Variants in PRLR observed in about 807,000 individuals in gnomAD.
PRLR encodes the protein prolactin receptor.
A neutral mutation model predicts 40.2 loss-of-function variants in PRLR; 13 were observed. The observed-to-expected ratio is 0.32, with a 90% CI of 0.21 to 0.51. The LOEUF is 0.51. PRLR is among the 20% of genes least tolerant of loss of function. The probability of loss-of-function intolerance (pLI) is 0.97; values close to 1 mark genes in which losing one functional copy is unlikely to be tolerated. For synonymous variants in PRLR, 269 were observed against 278.7 expected (o/e 0.97, Z 0.35); for missense variants, 656 against 747.3 (o/e 0.88, Z 1.42).
intron 1 of PRLR, among the ~76,000 whole-genome samples, chr5:35,216,576 G>GT (rs1776293866): frequency 6.6e-6 from 1 of 152,140 alleles, no homozygotes; most frequent in Non-Finnish European, 1.5e-5. Flanking sequence ...ACATACAAGT[G>GT]GTCATTAGTG....
chr5:35,225,434 C>A (rs1776523815), intron 1 of PRLR, among the ~76,000 whole-genome samples: 1 of 152,074 alleles, frequency 6.6e-6, no homozygotes. Flanking sequence ...GACACAAGAA[C>A]AGAGGAAGAA....
At chr5:35,215,103 T>C (rs999291788) in intron 1 of PRLR, among the ~76,000 whole-genome samples, 2 of 152,174 alleles carry the variant, frequency 1.3e-5, no homozygotes, top group Non-Finnish European at 2.9e-5. Flanking sequence ...TGCCATCTTC[T>C]AGGATTGCTG....
rs1381228431 is a variant in PRLR at position 35,185,592 on chromosome 5, G to A, written c.-106+44676C>T. Among the ~76,000 whole-genome samples the A allele has an allele frequency of 2.0e-5, 3 of 152,126 alleles. No homozygotes were observed. The East Asian group carries it at 5.8e-4, about 29-fold the overall frequency. ...TGGCAACGTACTTCTAAAAAACACA[G>A]GAGCCTTACAGCAAGACCTAGCTCT... On this transcript the variant is annotated intron_variant, in intron 1 of 9. Transcript: ENST00000618457.
intron 2 of PRLR, among the ~76,000 whole-genome samples, chr5:35,098,148 T>C (rs532327444): frequency 2.6e-4 from 40 of 152,306 alleles, no homozygotes; most frequent in African/African-American, 8.9e-4. Flanking sequence ...GACTTGGCCA[T>C]GTGAAAAGCT....
chr5:35,146,986 A>G (rs569321847), intron 1 of PRLR, among the ~76,000 whole-genome samples: 1 of 152,178 alleles, frequency 6.6e-6, no homozygotes, highest in East Asian at 1.9e-4. Flanking sequence ...CCCAACTCCT[A>G]TCTAAACTCA....
At chr5:35,128,108 A>G (rs761313858) in intron 1 of PRLR, among the ~76,000 whole-genome samples, 5 of 151,896 alleles carry the variant, frequency 3.3e-5, no homozygotes, top group Non-Finnish European at 7.4e-5. Context: ...CTTAAACAAT[A>G]TTTTTAACTT....
At chr5:35,078,919 A>C (rs536143203) in intron 5 of PRLR, among the ~76,000 whole-genome samples, 21 of 152,346 alleles carry the variant, frequency 1.4e-4, no homozygotes, top group South Asian at 2.1e-4. Context: ...CAAATCAATA[A>C]ATGTAATCCA....
intron 2 of PRLR, among the ~76,000 whole-genome samples, chr5:35,109,125 T>C (rs1040766365): frequency 6.6e-5 from 10 of 152,090 alleles, no homozygotes; most frequent in Admixed American, 1.3e-4. Context: ...GAAAGGATTC[T>C]CTATTTAATA....
chr5:35,223,915 G>T (rs1481830608), intron 1 of PRLR, among the ~76,000 whole-genome samples: 1 of 152,178 alleles, frequency 6.6e-6, no homozygotes, highest in African/African-American at 2.4e-5. Flanking sequence ...CAGCCCTAGA[G>T]AAATAGCTGG....
intron 2 of PRLR, among the ~76,000 whole-genome samples, chr5:35,099,368 C>T (rs1266180552): frequency 6.6e-6 from 1 of 152,182 alleles, no homozygotes; most frequent in Non-Finnish European, 1.5e-5. Flanking sequence ...ATGCTTTACG[C>T]CGTGTTTGTG....
At chr5:35,102,418 C>T (rs1561299246) in intron 2 of PRLR, among the ~76,000 whole-genome samples, 2 of 151,632 alleles carry the variant, frequency 1.3e-5, no homozygotes, top group African/African-American at 4.8e-5. Context: ...GTCTTTTTCT[C>T]TTTCTTTTTC....
chr5:35,198,269 T>C (rs1002788362), intron 1 of PRLR, among the ~76,000 whole-genome samples: 1 of 152,232 alleles, frequency 6.6e-6, no homozygotes, highest in East Asian at 1.9e-4. Context: ...GTGCTGGCCC[T>C]GAGCCCCAGC....
At chr5:35,076,241 C>A (rs530945363) in intron 5 of PRLR, among the ~76,000 whole-genome samples, 1 of 152,286 alleles carries the variant, frequency 6.6e-6, no homozygotes, top group South Asian at 2.1e-4. Flanking sequence ...TAATAACAAA[C>A]TTCTCTGAGC....
At chr5:35,144,611 G>C (rs912430548) in intron 1 of PRLR, among the ~76,000 whole-genome samples, 1 of 150,372 alleles carries the variant, frequency 6.7e-6, no homozygotes, top group Admixed American at 6.7e-5. Flanking sequence ...ACACCACCAT[G>C]CCTGGCTAAT....
chr5:35,080,804 A>G (rs1024718797), intron 5 of PRLR, among the ~76,000 whole-genome samples: 5 of 152,252 alleles, frequency 3.3e-5, no homozygotes, highest in East Asian at 1.9e-4. Flanking sequence ...ATGTCCATCA[A>G]TGATGGACTG....
chr5:35,204,480 A>T (rs7707145), intron 1 of PRLR, among the ~76,000 whole-genome samples: 91,144 of 151,884 alleles, frequency 0.6, 28,649 homozygotes, highest in Non-Finnish European at 0.71. Flanking sequence ...TGTGCTGAAG[A>T]TTCAGCCTTA....
chr5:35,175,296 C>G (rs913895597), intron 1 of PRLR, among the ~76,000 whole-genome samples: 1 of 152,194 alleles, frequency 6.6e-6, no homozygotes, highest in African/African-American at 2.4e-5. Context: ...TTTCCCTGCA[C>G]AAGCTCTCTC....
At chr5:35,160,730 C>T (rs374603938) in intron 1 of PRLR, among the ~76,000 whole-genome samples, 12 of 152,164 alleles carry the variant, frequency 7.9e-5, no homozygotes, top group East Asian at 7.7e-4. Flanking sequence ...TGGCTTCACC[C>T]GGACCTGCCA....
At chr5:35,193,196 C>T (rs1008965083) in intron 1 of PRLR, among the ~76,000 whole-genome samples, 15 of 152,212 alleles carry the variant, frequency 9.9e-5, no homozygotes, top group African/African-American at 3.1e-4. Context: ...CCTCAACTCC[C>T]GTAGTTATGC....
Sources: gnomAD v4.1 joint callset for allele counts (sites outside exome capture counted in the v4.1 genomes callset) on GRCh38, gnomAD v4.1.1 for gene constraint, MANE v1.5 for transcripts, NCBI Gene and HGNC (gene_info 2026-07-23, HGNC 2026-07-21) for gene names.